The following EML4 variants were observed in gnomAD, a reference collection of about 807,000 sequenced individuals.
EML4 encodes echinoderm microtubule-associated protein-like 4.
Under a neutral mutation model 129.0 loss-of-function variants are expected in EML4, and 72 were observed. The ratio of observed to expected loss-of-function variants is 0.56; its 90% CI spans 0.46 to 0.68. The LOEUF (loss-of-function observed/expected upper bound fraction) is 0.68, where lower values mean the gene tolerates loss of function less well. EML4 is among the 30% of genes least tolerant of loss of function. The pLI, the probability that EML4 is intolerant of heterozygous loss-of-function variation, is 0.00. For missense variants in EML4, 1,363 were observed against 1,190.6 expected (o/e 1.14, Z -2.13); for synonymous variants, 532 against 405.0 (o/e 1.31, Z -3.77).
intron 6 of EML4, among the ~76,000 whole-genome samples, chr2:42,277,463 C>T (rs1404527196): frequency 3.3e-5 from 5 of 152,124 alleles, no homozygotes; most frequent in African/African-American, 7.2e-5. Flanking sequence ...ATGTTGAAAC[C>T]ATAGTGTGGG....
At chr2:42,308,131 T>C (rs1668721055) in intron 17 of EML4, among the ~76,000 whole-genome samples, 1 of 152,256 alleles carries the variant, frequency 6.6e-6, no homozygotes, top group South Asian at 2.1e-4. Flanking sequence ...ATTATCATTT[T>C]AAAATAATGT....
intron 1 of EML4, among the ~76,000 whole-genome samples, chr2:42,213,541 A>G (rs376878443): frequency 2.0e-5 from 3 of 152,196 alleles, no homozygotes; most frequent in Non-Finnish European, 4.4e-5. Flanking sequence ...AAAATACTTA[A>G]TGATTGAATC....
At chr2:42,200,337 A>G (rs926269216) in intron 1 of EML4, among the ~76,000 whole-genome samples, 28 of 152,222 alleles carry the variant, frequency 1.8e-4, no homozygotes, top group Admixed American at 3.3e-4. Context: ...AAAAAGAGGA[A>G]TATCAGCACT....
chr2:42,255,234 C>T (rs908475507), intron 2 of EML4, among the ~76,000 whole-genome samples: 3 of 151,920 alleles, frequency 2.0e-5, no homozygotes, highest in East Asian at 1.9e-4. Flanking sequence ...TACAGGCGCT[C>T]GCCACCACGC....
rs1440517517 is a variant in EML4 at position 42,295,038 on chromosome 2, C to T, written c.1219-87C>T. On this transcript the variant is annotated intron_variant, in intron 11 of 22. Transcript: ENST00000318522. ...GCATTTTCTCAAAATCTTGCCCTAT[C>T]GTTAATTGTAAGTAGCAGTAATTGA... 11 of 1,218,048 alleles carry T rather than the reference C, an allele frequency of 9.0e-6. No individual in the cohort carries two copies. The East Asian group carries it at 1.3e-4, about 14-fold the overall frequency. 75.5% of individuals were successfully genotyped at this position (1,218,048 alleles called of 1,614,324 possible).
chr2:42,247,694 G>C (rs1209606152), intron 2 of EML4, among the ~76,000 whole-genome samples: 2 of 150,444 alleles, frequency 1.3e-5, no homozygotes, highest in African/African-American at 2.5e-5. Context: ...TTTATTTAGA[G>C]AGTCAACTTT....
intron 18 of EML4, 139 bp from the exon 19 acceptor site, chr2:42,317,288 C>T (rs1669293201): frequency 8.5e-6 from 5 of 590,042 alleles, no homozygotes; most frequent in South Asian, 4.4e-5. Context: ...TTCAAATGTA[C>T]TTAGTGGATA....
At chr2:42,183,278 A>T (rs1207700830) in intron 1 of EML4, among the ~76,000 whole-genome samples, 15 of 152,216 alleles carry the variant, frequency 9.9e-5, no homozygotes, top group Non-Finnish European at 1.6e-4. Flanking sequence ...CCCTGCTCTC[A>T]TGAAGCTTGT....
intron 4 of EML4, among the ~76,000 whole-genome samples, chr2:42,262,345 G>C (rs1262194328): frequency 6.6e-6 from 1 of 152,112 alleles, no homozygotes; most frequent in Non-Finnish European, 1.5e-5. Flanking sequence ...CTGGTCTCCT[G>C]TGGAGTTTTT....
At chr2:42,199,518 T>C (rs567536445) in intron 1 of EML4, among the ~76,000 whole-genome samples, 4 of 152,308 alleles carry the variant, frequency 2.6e-5, no homozygotes, top group Non-Finnish European at 5.9e-5. Context: ...TGTGCTGCAA[T>C]AGAAAGAAGA....
At chr2:42,308,576 C>A (rs888699680) in intron 17 of EML4, among the ~76,000 whole-genome samples, 1 of 151,976 alleles carries the variant, frequency 6.6e-6, no homozygotes, top group African/African-American at 2.4e-5. Context: ...CACATAACCC[C>A]CCCAAAAAAG....
Position 42,303,124 on chromosome 2 carries a change from A to C in EML4, c.1662A>C (p.Thr554=), listed in dbSNP as rs2103725740. The change falls in exon 15 of 23, where the codon ACA becomes ACC. Residue 554 remains threonine (T), a synonymous_variant. Coordinates refer to ENST00000318522, the MANE Select transcript of EML4 (RefSeq NM_019063.5). ...TCTAGGTTCCTGATCAGTATGGCAC[A>C]ATCAGAGCTGTAGCAGAAGGAAAGG... The part of the protein sequence containing the change: ...REIEVPDQYG[T]IRAVAEGKAD... 1 of 1,614,134 alleles carries C rather than the reference A, an allele frequency of 6.2e-7. No homozygotes were observed. The highest frequency in any genetic ancestry group is 2.2e-5 in the East Asian group (1 of 44,868).
At chr2:42,218,761 C>A (rs929719442) in intron 1 of EML4, among the ~76,000 whole-genome samples, 1 of 152,170 alleles carries the variant, frequency 6.6e-6, no homozygotes, top group Admixed American at 6.5e-5. Flanking sequence ...ACTTTGACCA[C>A]AAGAATATTT....
chr2:42,305,671 C>T (rs1167836793), intron 17 of EML4, among the ~76,000 whole-genome samples: 2 of 152,100 alleles, frequency 1.3e-5, no homozygotes, highest in African/African-American at 4.8e-5. Context: ...ATTGCCTCTG[C>T]TAGTAAGTAG....
At chr2:42,306,744 C>A (rs373140463) in intron 17 of EML4, among the ~76,000 whole-genome samples, 8 of 151,686 alleles carry the variant, frequency 5.3e-5, no homozygotes, top group African/African-American at 1.9e-4. Flanking sequence ...CGTGATCCTC[C>A]CGCCTCGGCC....
At chr2:42,242,726 T>G (rs546690990) in intron 1 of EML4, among the ~76,000 whole-genome samples, 1 of 151,928 alleles carries the variant, frequency 6.6e-6, no homozygotes, top group East Asian at 1.9e-4. Flanking sequence ...TCTTTTCTCT[T>G]CTCTTCTCGT....
chr2:42,244,066 T>G (rs75933291), intron 1 of EML4, among the ~76,000 whole-genome samples: 26 of 74,148 alleles, frequency 3.5e-4, no homozygotes, highest in South Asian at 2.1e-3. Flanking sequence ...GCAATTAATG[T>G]TTTTTTTGTT....
At chr2:42,222,787 G>GTTTGT (rs149486569) in intron 1 of EML4, among the ~76,000 whole-genome samples, 49,431 of 150,860 alleles carry the variant, frequency 0.33, 8,974 homozygotes, top group East Asian at 0.54. Flanking sequence ...CGGTTCTTTT[G>GTTTGT]TTTGTTTTGT....
chr2:42,188,067 A>T (rs538807650), intron 1 of EML4, among the ~76,000 whole-genome samples: 3 of 152,208 alleles, frequency 2.0e-5, no homozygotes, highest in South Asian at 2.1e-4. Context: ...TTCCAGCACA[A>T]TTGAACTAAT....
Sources: allele counts gnomAD v4.1 joint callset (sites outside exome capture counted in the v4.1 genomes callset), GRCh38; gene constraint gnomAD v4.1.1; transcripts MANE v1.5; gene names NCBI Gene and HGNC (gene_info 2026-07-23, HGNC 2026-07-21).